Variants in TOP1 observed in about 807,000 individuals in gnomAD.
The protein encoded by TOP1 is DNA topoisomerase I.
TOP1 carries 10 observed loss-of-function variants against 111.1 expected under a neutral mutation model. That is an observed-to-expected ratio of 0.09 (90% CI 0.06 to 0.15). The LOEUF (loss-of-function observed/expected upper bound fraction) is 0.15, where lower values mean the gene tolerates loss of function less well. TOP1 is among the 10% of genes least tolerant of loss of function. TOP1 has a pLI of 1.00. For missense variants in TOP1, 474 were observed against 926.7 expected, an observed-to-expected ratio of 0.51 and a Z score of 6.34; for synonymous variants, 271 against 302.9, an observed-to-expected ratio of 0.89 and a Z score of 1.10.
intron 2 of TOP1, among the ~76,000 whole-genome samples, chr20:41,050,004 C>T (rs1034463603): frequency 6.6e-6 from 1 of 151,938 alleles, no homozygotes; most frequent in Non-Finnish European, 1.5e-5. Flanking sequence ...TTACTAGTCT[C>T]TTCTCTCATT....
intron 14 of TOP1, 122 bp from the exon 15 acceptor site, chr20:41,113,848 A>G (rs1600601018): frequency 5.2e-6 from 4 of 769,378 alleles, no homozygotes; most frequent in South Asian, 4.2e-5. Context: ...GCGCCATTGC[A>G]CTCTAGCCTG....
intron 8 of TOP1, among the ~76,000 whole-genome samples, chr20:41,091,911 A>C (rs1306139585): frequency 6.6e-6 from 1 of 152,158 alleles, no homozygotes; most frequent in African/African-American, 2.4e-5. Context: ...ACATTTTCAA[A>C]AAGTTGTTCC....
In TOP1 at chr20:41,114,978, G is replaced by A. The variant is rs533783595; in HGVS notation, c.1639-393G>A. 2.6e-5 allele frequency among the ~76,000 whole-genome samples: 4 copies of A among 152,318 alleles called. No homozygotes were observed. The highest frequency in any genetic ancestry group is 2.1e-4 in the South Asian group (1 of 4,830). On this transcript the variant is annotated intron_variant, in intron 15 of 20. Coordinates refer to ENST00000361337, the MANE Select transcript of TOP1 (RefSeq NM_003286.4). The surrounding 1 kb of genome is among the most constrained non-coding windows in gnomAD (Gnocchi z 4.5). ...AATGTAAATTTTTGAAGCTGATACT[G>A]TGTAAATGTAAGGGAATATCTATTT...
Position 41,116,412 on chromosome 20 carries a change from A to G in TOP1, c.1822+20A>G. 6.3e-7 allele frequency: 1 copy of G among 1,590,512 alleles called. No individual in the cohort carries two copies. Among genetic ancestry groups the G allele is most frequent in the Non-Finnish European group, 8.6e-7 (1 of 1,158,478 alleles). On this transcript the variant is annotated intron_variant, in intron 17 of 20. Coordinates refer to ENST00000361337, the MANE Select transcript of TOP1 (RefSeq NM_003286.4). This position sits in a 1 kb window ranked among gnomAD's most constrained non-coding sequence, Gnocchi z 5.6. ...CAGCCCGTAAGTATTGCTTGGCCAGATAGGGCCCACACCCCTACTAATGGT... is the reference window on the plus strand; with the variant it reads ...CAGCCCGTAAGTATTGCTTGGCCAGGTAGGGCCCACACCCCTACTAATGGT...
intron 2 of TOP1, among the ~76,000 whole-genome samples, chr20:41,054,243 T>C (rs1186267083): frequency 6.6e-6 from 1 of 152,152 alleles, no homozygotes; most frequent in Non-Finnish European, 1.5e-5. Context: ...CTCCATGCTG[T>C]TCTTGTGATA....
intron 17 of TOP1, among the ~76,000 whole-genome samples, chr20:41,117,487 C>T (rs1397219572): frequency 2.8e-5 from 4 of 144,308 alleles, no homozygotes; most frequent in African/African-American, 5.2e-5. Flanking sequence ...CTGGGGTTCA[C>T]GCCATTCTCC....
chr20:41,097,281 C>T lies in TOP1; in HGVS notation c.792C>T (p.Leu264=), dbSNP rs772824800. ...TAGCTACGTTCTTTGCAAAAATGCT[C>T]GACCATGAATATACTACCAAGGAAA... ...EEVATFFAKM[L]DHEYTTKEIF... The change falls in exon 10 of 21, where the codon CTC becomes CTT. Residue 264 remains leucine (L), a synonymous_variant. Transcript: ENST00000361337. The surrounding 1 kb of genome is among the most constrained non-coding windows in gnomAD (Gnocchi z 4.2). The T allele has an allele frequency of 5.0e-6, 8 of 1,613,802 alleles. No individual in the cohort carries two copies. The highest frequency in any genetic ancestry group is 1.6e-4 in the Middle Eastern group (1 of 6,062).
In TOP1 at chr20:41,094,424, T is replaced by A. The variant is rs1827445951; in HGVS notation, c.730+1837T>A. Among the ~76,000 whole-genome samples the A allele has an allele frequency of 6.6e-6, 1 of 152,184 alleles. No homozygotes were observed. The highest frequency in any genetic ancestry group is 1.5e-5 in the Non-Finnish European group (1 of 68,016). ...CAAGAGCTTTAGGATGCTCAGCTGG[T>A]AAAGCCTCACTTTGAGGTTCAAAGT... is the stretch of plus-strand genomic sequence containing the variant. On this transcript the variant is annotated intron_variant, in intron 9 of 20. Transcript: ENST00000361337. The surrounding 1 kb of genome is among the most constrained non-coding windows in gnomAD (Gnocchi z 4.4).
intron 3 of TOP1, among the ~76,000 whole-genome samples, chr20:41,073,856 C>G (rs1377281478): frequency 6.6e-6 from 1 of 152,140 alleles, no homozygotes; most frequent in East Asian, 1.9e-4. Flanking sequence ...CTATAGTTGG[C>G]AGGGCAGGGG....
intron 14 of TOP1, 91 bp from the exon 15 acceptor site, chr20:41,113,879 C>CAAAAAAAAAAAAAAAAAAAA (rs552197714): frequency 1.7e-6 from 1 of 598,846 alleles, no homozygotes; most frequent in African/African-American, 3.1e-5. Flanking sequence ...GAGACTGTCT[C>CAAAAAAAAAAAAAAAAAAAA]AAAAAAAAAA....
At position 41,116,135 on chromosome 20, in the gene TOP1, C is replaced by A. The variant is rs2034326135; in HGVS notation, c.1708-143C>A. On this transcript the variant is annotated intron_variant, in intron 16 of 20. Transcript: ENST00000361337. This position sits in a 1 kb window ranked among gnomAD's most constrained non-coding sequence, Gnocchi z 5.6. ...TCATGTAACCCTGTATTCTGGAATTCTTTTCCTCTTTCCCTAACTTCCCAC... is the reference window on the plus strand; with the variant it reads ...TCATGTAACCCTGTATTCTGGAATTATTTTCCTCTTTCCCTAACTTCCCAC... 3.3e-6 allele frequency: 2 copies of A among 600,502 alleles called. No homozygotes were observed. The highest frequency in any genetic ancestry group is 4.0e-5 in the South Asian group (2 of 50,564). 37.2% of individuals were successfully genotyped at this position (600,502 alleles called of 1,614,324 possible).
intron 18 of TOP1, among the ~76,000 whole-genome samples, chr20:41,119,416 A>T (rs2034386440): frequency 6.6e-6 from 1 of 152,218 alleles, no homozygotes; most frequent in Non-Finnish European, 1.5e-5. Context: ...GTAATTCAAG[A>T]CCAACCTGGG....
chr20:41,055,254 C>T (rs532199494), intron 2 of TOP1, among the ~76,000 whole-genome samples: 2 of 152,330 alleles, frequency 1.3e-5, no homozygotes, highest in African/African-American at 4.8e-5. Context: ...TTGCATCTTT[C>T]ATATCTGTCA....
At chr20:41,066,215 T>C (rs979666408) in intron 3 of TOP1, among the ~76,000 whole-genome samples, 1 of 151,912 alleles carries the variant, frequency 6.6e-6, no homozygotes, top group Non-Finnish European at 1.5e-5. Context: ...TTGAGACATA[T>C]AAGTTTGGCC....
chr20:41,063,090 G>A lies in TOP1; in HGVS notation c.155+1600G>A, dbSNP rs117260469. Among the ~76,000 whole-genome samples, 899 of 152,136 alleles carry A rather than the reference G, an allele frequency of 5.9e-3. 7 individuals are homozygous for A. Among genetic ancestry groups the A allele is most frequent in the South Asian group, 0.018 (89 of 4,826 alleles). ...AACAATTAGTTTTTCAACCCTTACC[G>A]CCCTCTCTGCTCTAGTAGTCTCCAG... is the stretch of plus-strand genomic sequence containing the variant. On this transcript the variant is annotated intron_variant, in intron 3 of 20. Transcript: ENST00000361337.
intron 13 of TOP1, among the ~76,000 whole-genome samples, chr20:41,108,813 AG>A (rs1366015247): frequency 6.6e-6 from 1 of 152,186 alleles, no homozygotes; most frequent in East Asian, 1.9e-4. Flanking sequence ...TGCATAATCT[AG>A]GAGTTTACAA....
In TOP1 at chr20:41,118,112, G is replaced by A. The variant is rs2034363240; in HGVS notation, c.1823-57G>A. ...GAGGCACTGGGGGAAGACATACTGT[G>A]TGTTCACTTTTGGTGTACAAACTGA... is the stretch of plus-strand genomic sequence containing the variant. On this transcript the variant is annotated intron_variant, in intron 17 of 20. Coordinates refer to ENST00000361337, the MANE Select transcript of TOP1 (RefSeq NM_003286.4). This position sits in a 1 kb window ranked among gnomAD's most constrained non-coding sequence, Gnocchi z 4.6. 3 of 1,580,466 alleles carry A rather than the reference G, an allele frequency of 1.9e-6. No individual in the cohort carries two copies. Among genetic ancestry groups the A allele is most frequent in the Non-Finnish European group, 2.6e-6 (3 of 1,157,400 alleles).
intron 2 of TOP1, among the ~76,000 whole-genome samples, chr20:41,045,554 G>A (rs560671385): frequency 7.9e-5 from 12 of 152,234 alleles, no homozygotes; most frequent in African/African-American, 2.9e-4. Flanking sequence ...CTATGAGGTA[G>A]GTTATGTCTG....
At chr20:41,093,623 G>A (rs931355717) in intron 9 of TOP1, among the ~76,000 whole-genome samples, 3 of 151,780 alleles carry the variant, frequency 2.0e-5, no homozygotes, top group Non-Finnish European at 2.9e-5. Flanking sequence ...CCATCCCACC[G>A]CCCGCACTGA....
Sources: gnomAD v4.1 joint callset for allele counts (sites outside exome capture counted in the v4.1 genomes callset) on GRCh38, gnomAD v4.1.1 for gene constraint, Gnocchi (gnomAD v3.1) non-coding constraint, MANE v1.5 for transcripts, NCBI Gene and HGNC (gene_info 2026-07-23, HGNC 2026-07-21) for gene names.